The following PDE1A variants were observed in gnomAD, a reference collection of about 807,000 sequenced individuals.
PDE1A encodes phosphodiesterase 1A, also known as dual specificity calcium/calmodulin-dependent 3',5'-cyclic nucleotide phosphodiesterase 1A.
Under a neutral mutation model 61.7 loss-of-function variants are expected in PDE1A, and 35 were observed. The observed-to-expected ratio is 0.57, with a 90% CI of 0.43 to 0.75. The LOEUF (loss-of-function observed/expected upper bound fraction) is 0.75, where lower values mean the gene tolerates loss of function less well. PDE1A is among the 30% of genes least tolerant of loss of function. The probability of loss-of-function intolerance (pLI) is 0.00; values close to 1 mark genes in which losing one functional copy is unlikely to be tolerated. For synonymous variants in PDE1A, 232 were observed against 213.2 expected (o/e 1.09, Z -0.77); for missense variants, 597 against 630.6 (o/e 0.95, Z 0.57).
chr2:182,220,953 A>C (rs531342245), intron 7 of PDE1A, among the ~76,000 whole-genome samples: 2 of 152,178 alleles, frequency 1.3e-5, no homozygotes, highest in South Asian at 4.1e-4. Context: ...TTTCAAGTTC[A>C]TGTAGAATTA....
intron 1 of PDE1A, among the ~76,000 whole-genome samples, chr2:182,351,736 A>C (rs1698893316): frequency 6.6e-6 from 1 of 151,918 alleles, no homozygotes; most frequent in African/African-American, 2.4e-5. Flanking sequence ...CACAGCCAAC[A>C]CTCTATCATC....
chr2:182,205,571 A>G (rs1687029899), intron 8 of PDE1A, among the ~76,000 whole-genome samples: 1 of 152,206 alleles, frequency 6.6e-6, no homozygotes, highest in South Asian at 2.1e-4. Flanking sequence ...TTTAAAAAAA[A>G]TATATGAAAG....
the PDE1A span, among the ~76,000 whole-genome samples, chr2:182,697,613 C>T: frequency 2.0e-5 from 3 of 152,240 alleles, no homozygotes; most frequent in Non-Finnish European, 4.4e-5. Flanking sequence ...CTTTCATTCT[C>T]TCAGGCCTGC....
chr2:182,518,511 A>C (rs549927605), intron 2 of PDE1A, among the ~76,000 whole-genome samples: 2 of 152,298 alleles, frequency 1.3e-5, no homozygotes, highest in South Asian at 4.1e-4. Context: ...CACAATTCCA[A>C]GTCTTAAAAT....
rs895153356 is a variant in PDE1A at position 182,167,992 on chromosome 2, T to C, written c.*255A>G. ...TAAAGACAAATGCCACAAAATGCCA[T>C]TGAAACAGATATCTGAAAGCACAAG... On this transcript the variant is annotated 3_prime_UTR_variant, in exon 14 of 14. Transcript: ENST00000351439. 6.1e-5 allele frequency: 74 copies of C among 1,209,884 alleles called. No individual in the cohort carries two copies. The African/African-American group carries it at 1.0e-3, about 17-fold the overall frequency. The allele number at this position is 1,209,884 out of a possible 1,614,324, so 74.9% of individuals were successfully genotyped here. A position where few individuals can be genotyped will look rare whatever the true frequency, so the allele number is the denominator to read the frequency against.
At chr2:182,486,131 T>TA (rs144242747) in intron 2 of PDE1A, among the ~76,000 whole-genome samples, 7 of 151,680 alleles carry the variant, frequency 4.6e-5, no homozygotes, top group East Asian at 1.9e-4. Flanking sequence ...ATGATCAATA[T>TA]AAAAAAAATT....
chr2:182,419,804 C>T (rs937794494), intron 1 of PDE1A, among the ~76,000 whole-genome samples: 9 of 152,074 alleles, frequency 5.9e-5, no homozygotes, highest in African/African-American at 2.2e-4. Flanking sequence ...ACGTTCCCAC[C>T]ATATCCTACT....
At chr2:182,499,917 G>C (rs979815562) in intron 2 of PDE1A, among the ~76,000 whole-genome samples, 1 of 152,186 alleles carries the variant, frequency 6.6e-6, no homozygotes, top group African/African-American at 2.4e-5. Context: ...GCAAAGGGCA[G>C]TCCCAGGGGA....
chr2:182,152,333 AT>A (rs1274938762), intron 13 of PDE1A, among the ~76,000 whole-genome samples: 3 of 151,664 alleles, frequency 2.0e-5, no homozygotes, highest in African/African-American at 7.3e-5. Flanking sequence ...TGGCATCCAT[AT>A]AATGTAGTTT....
At chr2:182,629,042 G>A in the PDE1A span, among the ~76,000 whole-genome samples, 1 of 152,170 alleles carries the variant, frequency 6.6e-6, no homozygotes, top group Admixed American at 6.5e-5. Flanking sequence ...TATGGAGAGG[G>A]CCATGTGACA....
chr2:182,284,522 A>T (rs972447665), intron 1 of PDE1A, among the ~76,000 whole-genome samples: 7 of 151,922 alleles, frequency 4.6e-5, no homozygotes, highest in Admixed American at 2.0e-4. Flanking sequence ...TTGGAGGGAA[A>T]TGAGTATAAG....
At chr2:182,155,214 A>G (rs1691012158) in intron 13 of PDE1A, among the ~76,000 whole-genome samples, 1 of 151,632 alleles carries the variant, frequency 6.6e-6, no homozygotes, top group African/African-American at 2.4e-5. Context: ...CAGACTCCCA[A>G]GTAGCTGGAA....
intron 2 of PDE1A, among the ~76,000 whole-genome samples, chr2:182,260,031 G>A (rs1330654259): frequency 6.6e-6 from 1 of 152,186 alleles, no homozygotes; most frequent in Non-Finnish European, 1.5e-5. Context: ...TTAGGGTATT[G>A]TGCTATTATC....
At chr2:182,194,564 T>C (rs1685978080) in intron 10 of PDE1A, among the ~76,000 whole-genome samples, 2 of 152,150 alleles carry the variant, frequency 1.3e-5, no homozygotes, top group Admixed American at 6.6e-5. Flanking sequence ...TACTGCCTTT[T>C]ACCATTAGCA....
At chr2:182,484,541 C>T (rs1490104945) in intron 2 of PDE1A, among the ~76,000 whole-genome samples, 1 of 151,970 alleles carries the variant, frequency 6.6e-6, no homozygotes, top group Non-Finnish European at 1.5e-5. Context: ...AAAGCTTCTT[C>T]ACAGCCAAAG....
chr2:182,214,451 T>A (rs1687972607), intron 7 of PDE1A, among the ~76,000 whole-genome samples: 1 of 151,598 alleles, frequency 6.6e-6, no homozygotes, highest in African/African-American at 2.4e-5. Context: ...AATGCTCCAA[T>A]GAAAAGACAC....
intron 1 of PDE1A, among the ~76,000 whole-genome samples, chr2:182,423,956 T>C (rs191046579): frequency 5.3e-4 from 80 of 150,574 alleles, no homozygotes; most frequent in African/African-American, 1.5e-3. Flanking sequence ...CCTTTTTTTT[T>C]TTTTTTTTGA....
the PDE1A span, among the ~76,000 whole-genome samples, chr2:182,625,778 G>C: frequency 6.6e-6 from 1 of 152,256 alleles, no homozygotes; most frequent in Non-Finnish European, 1.5e-5. Context: ...AGGGCTAAAA[G>C]GCCAAATGAT....
At chr2:182,162,196 C>T (rs1006861434) in intron 13 of PDE1A, among the ~76,000 whole-genome samples, 13 of 152,128 alleles carry the variant, frequency 8.5e-5, no homozygotes, top group Admixed American at 4.6e-4. Context: ...ACTACAATCA[C>T]TCAATTAGAA....
Sources: allele counts gnomAD v4.1 joint callset (sites outside exome capture counted in the v4.1 genomes callset), GRCh38; gene constraint gnomAD v4.1.1; transcripts MANE v1.5; gene names NCBI Gene and HGNC (gene_info 2026-07-23, HGNC 2026-07-21).